The following ROBO2 variants were observed in gnomAD, a reference collection of about 807,000 sequenced individuals.
The protein encoded by ROBO2 is roundabout homolog 2.
Under a neutral mutation model 160.8 loss-of-function variants are expected in ROBO2, and 53 were observed. That is an observed-to-expected ratio of 0.33 (90% CI 0.26 to 0.41). The LOEUF (loss-of-function observed/expected upper bound fraction) is 0.41, where lower values mean the gene tolerates loss of function less well. Among genes scored for constraint, ROBO2 ranks in the 10% least tolerant of loss-of-function variants. The pLI, the probability that ROBO2 is intolerant of heterozygous loss-of-function variation, is 1.00. For missense variants in ROBO2, 1,577 were observed against 1,722.4 expected (o/e 0.92, Z 1.49); for synonymous variants, 664 against 611.7 (o/e 1.09, Z -1.26).
At chr3:76,689,651 A>T (rs532286182) in intron 2 of ROBO2, among the ~76,000 whole-genome samples, 59 of 152,342 alleles carry the variant, frequency 3.9e-4, no homozygotes, top group African/African-American at 1.3e-3. Context: ...AACAATGATC[A>T]TCTCTATTGC....
chr3:76,186,651 AT>A (rs150604330), intron 2 of ROBO2, among the ~76,000 whole-genome samples: 19,475 of 152,050 alleles, frequency 0.13, 1,736 homozygotes, highest in Non-Finnish European at 0.19. Flanking sequence ...GTAAAGAAAT[AT>A]CCTCTAGTAT....
At chr3:76,286,225 AATG>A (rs1708498557) in intron 2 of ROBO2, among the ~76,000 whole-genome samples, 2 of 152,234 alleles carry the variant, frequency 1.3e-5, no homozygotes, top group African/African-American at 4.8e-5. Flanking sequence ...CCATAAAAGC[AATG>A]ATATTTGTCA....
intron 2 of ROBO2, among the ~76,000 whole-genome samples, chr3:76,533,357 A>G (rs1359313459): frequency 6.6e-6 from 1 of 152,218 alleles, no homozygotes; most frequent in Non-Finnish European, 1.5e-5. Flanking sequence ...TAATAGGAGT[A>G]CTTTAAAATA....
At chr3:76,016,236 AC>A (rs1475056135) in intron 2 of ROBO2, among the ~76,000 whole-genome samples, 5 of 151,964 alleles carry the variant, frequency 3.3e-5, no homozygotes, top group Non-Finnish European at 5.9e-5. Context: ...TTTTAATGGC[AC>A]GCATCTGCTC....
At chr3:75,963,715 A>T (rs764959910) in intron 2 of ROBO2, among the ~76,000 whole-genome samples, 9 of 151,722 alleles carry the variant, frequency 5.9e-5, no homozygotes, top group Non-Finnish European at 1.2e-4. Flanking sequence ...ACAGTTCTAG[A>T]GGCTGTAAAT....
intron 2 of ROBO2, among the ~76,000 whole-genome samples, chr3:76,027,110 A>G (rs1447486108): frequency 6.6e-6 from 1 of 151,868 alleles, no homozygotes; most frequent in African/African-American, 2.4e-5. Context: ...TAGTTAGCAT[A>G]TTTTTTCTTC....
chr3:76,520,022 T>G (rs1333800424), intron 2 of ROBO2, among the ~76,000 whole-genome samples: 1 of 152,106 alleles, frequency 6.6e-6, no homozygotes, highest in Non-Finnish European at 1.5e-5. Flanking sequence ...AATCACAATA[T>G]AAATACCTCG....
At chr3:77,478,015 T>C (rs935543093) in intron 3 of ROBO2, among the ~76,000 whole-genome samples, 46 of 151,942 alleles carry the variant, frequency 3.0e-4, no homozygotes, top group African/African-American at 1.1e-3. Flanking sequence ...TTTGTAGAGA[T>C]GGGGTTTCAC....
chr3:76,258,955 A>C (rs1576139584), intron 2 of ROBO2, among the ~76,000 whole-genome samples: 2 of 152,040 alleles, frequency 1.3e-5, no homozygotes, highest in Admixed American at 1.3e-4. Context: ...ACATTTTATC[A>C]ACTTTTCTTG....
intron 2 of ROBO2, among the ~76,000 whole-genome samples, chr3:76,823,299 G>A (rs2066280841): frequency 6.6e-6 from 1 of 151,972 alleles, no homozygotes; most frequent in Admixed American, 6.6e-5. Flanking sequence ...AAGGACACAT[G>A]GTTCCTTTTC....
chr3:75,984,058 ACAT>A (rs1465757321), intron 2 of ROBO2, among the ~76,000 whole-genome samples: 3 of 151,376 alleles, frequency 2.0e-5, no homozygotes, highest in Admixed American at 6.6e-5. Flanking sequence ...AGTGACTGAA[ACAT>A]CATTACAACA....
chr3:76,444,273 T>C (rs1285941126), intron 2 of ROBO2, among the ~76,000 whole-genome samples: 2 of 152,126 alleles, frequency 1.3e-5, no homozygotes, highest in Non-Finnish European at 2.9e-5. Context: ...GCACTGCGCC[T>C]GTCCTAAAAA....
At chr3:76,360,687 A>C (rs1000122314) in intron 2 of ROBO2, among the ~76,000 whole-genome samples, 1 of 152,122 alleles carries the variant, frequency 6.6e-6, no homozygotes, top group African/African-American at 2.4e-5. Context: ...AGGTATAGTC[A>C]TATGATCTAG....
intron 2 of ROBO2, among the ~76,000 whole-genome samples, chr3:77,367,499 C>T (rs2071079570): frequency 6.6e-6 from 1 of 151,804 alleles, no homozygotes; most frequent in East Asian, 1.9e-4. Flanking sequence ...ACCGGACTCG[C>T]GATAGTTTTC....
intron 2 of ROBO2, among the ~76,000 whole-genome samples, chr3:76,662,303 A>T (rs935757368): frequency 1.3e-5 from 2 of 152,160 alleles, no homozygotes; most frequent in African/African-American, 2.4e-5. Context: ...CCATGTTACC[A>T]TAGGGCAACT....
In ROBO2 at chr3:77,303,882, A is replaced by C. The variant is rs551451505; in HGVS notation, c.389-173532A>C. Among the ~76,000 whole-genome samples, 3 of 152,224 alleles carry C rather than the reference A, an allele frequency of 2.0e-5. No individual in the cohort carries two copies. The South Asian group carries it at 6.2e-4, about 32-fold the overall frequency. On this transcript the variant is annotated intron_variant, in intron 2 of 25. Coordinates refer to ENST00000461745, the Ensembl canonical transcript of ROBO2. The stretch of plus-strand genomic sequence containing the variant: ...TGGAAGGTGGCTCTGTAGGATTACT[A>C]AACATTTTGAGAAAAATCACATTTC...
At chr3:76,136,442 A>C (rs1242739349) in intron 2 of ROBO2, among the ~76,000 whole-genome samples, 19 of 152,130 alleles carry the variant, frequency 1.2e-4, no homozygotes, top group Admixed American at 1.1e-3. Flanking sequence ...TGATTGAAAA[A>C]CGGATAAACA....
At chr3:76,020,536 T>G in intron 2 of ROBO2, among the ~76,000 whole-genome samples, 1 of 151,846 alleles carries the variant, frequency 6.6e-6, no homozygotes, top group East Asian at 1.9e-4. Context: ...CAGATTTGTT[T>G]ACTTAAGGTC....
At chr3:76,984,710 C>T (rs1035435314) in intron 2 of ROBO2, among the ~76,000 whole-genome samples, 4 of 151,372 alleles carry the variant, frequency 2.6e-5, no homozygotes, top group East Asian at 1.9e-4. Flanking sequence ...GTCTGACTCA[C>T]ATAAGTAGAT....
Sources: gnomAD v4.1 joint callset for allele counts (sites outside exome capture counted in the v4.1 genomes callset) on GRCh38, gnomAD v4.1.1 for gene constraint, MANE v1.5 for transcripts, NCBI Gene and HGNC (gene_info 2026-07-23, HGNC 2026-07-21) for gene names.